DENND1A: variants seen among roughly 807,000 people sequenced by gnomAD.
DENND1A encodes DENN domain-containing protein 1A.
In DENND1A, 51 loss-of-function variants were observed where a neutral mutation model predicts 113.7. That is an observed-to-expected ratio of 0.45 (90% confidence interval 0.36 to 0.57). The LOEUF (loss-of-function observed/expected upper bound fraction) is 0.57, where lower values mean the gene tolerates loss of function less well. Among genes scored for constraint, DENND1A ranks in the 20% least tolerant of loss-of-function variants. The pLI, the probability that DENND1A is intolerant of heterozygous loss-of-function variation, is 0.00. For missense variants in DENND1A, 1,258 were observed against 1,395.9 expected, an observed-to-expected ratio of 0.90 and a Z score of 1.57; for synonymous variants, 565 against 570.8, an observed-to-expected ratio of 0.99 and a Z score of 0.14.
chr9:123,917,132 C>A (rs900372782), intron 1 of DENND1A, among the ~76,000 whole-genome samples: 2 of 151,946 alleles, frequency 1.3e-5, no homozygotes. Flanking sequence ...TGCAGTGAGC[C>A]GAAATCGTGC....
intron 1 of DENND1A, among the ~76,000 whole-genome samples, chr9:123,904,875 T>A (rs185147046): frequency 1.3e-5 from 2 of 151,876 alleles, no homozygotes; most frequent in Non-Finnish European, 2.9e-5. Context: ...AGATACTCCT[T>A]GAGAAGAGCA....
At chr9:123,913,297 A>G (rs1050350673) in intron 1 of DENND1A, among the ~76,000 whole-genome samples, 4 of 152,194 alleles carry the variant, frequency 2.6e-5, no homozygotes, top group East Asian at 3.9e-4. Context: ...GCTATCTCCT[A>G]TAAGAACCTG....
intron 18 of DENND1A, among the ~76,000 whole-genome samples, chr9:123,449,262 C>T (rs371443507): frequency 3.3e-5 from 5 of 152,306 alleles, no homozygotes; most frequent in South Asian, 4.1e-4. Flanking sequence ...ACAGGCCAGA[C>T]GCGGTGGCTC....
chr9:123,508,159 T>C (rs890860763), intron 13 of DENND1A, among the ~76,000 whole-genome samples: 1 of 152,226 alleles, frequency 6.6e-6, no homozygotes, highest in Non-Finnish European at 1.5e-5. Flanking sequence ...GCCAGTGTTA[T>C]ACAAGACAAG....
chr9:123,380,507 G>GCCTT lies in DENND1A; in HGVS notation c.*921_*924dup, dbSNP rs1214502522. On this transcript the variant is annotated 3_prime_UTR_variant, in exon 24 of 24. Transcript: ENST00000394215. ...TCGTTCCAACCCAGGAAGGCCAGCT[G>GCCTT]CCTTCCACATCAGTCTGAGGCATTC... 1 of 152,470 alleles carries GCCTT rather than the reference G, an allele frequency of 6.6e-6. No individual in the cohort carries two copies. Among genetic ancestry groups the GCCTT allele is most frequent in the Non-Finnish European group, 1.5e-5 (1 of 68,052 alleles). 9.4% of individuals were successfully genotyped at this position (152,470 alleles called of 1,614,324 possible).
chr9:123,477,740 A>T (rs1319947451), intron 13 of DENND1A, among the ~76,000 whole-genome samples: 1 of 149,596 alleles, frequency 6.7e-6, no homozygotes, highest in Non-Finnish European at 1.5e-5. Flanking sequence ...CGTGGAACTT[A>T]AAAAAAAATA....
At chr9:123,809,893 A>G (rs1440066273) in intron 2 of DENND1A, among the ~76,000 whole-genome samples, 1 of 151,990 alleles carries the variant, frequency 6.6e-6, no homozygotes, top group African/African-American at 2.4e-5. Flanking sequence ...CTGGTCTCGA[A>G]CTCCTGAACT....
intron 21 of DENND1A, among the ~76,000 whole-genome samples, chr9:123,390,726 C>T (rs779739251): frequency 8.0e-4 from 122 of 152,306 alleles, no homozygotes; most frequent in Non-Finnish European, 3.1e-4. Flanking sequence ...GACTGCAGCC[C>T]GGATGGTCCA....
intron 10 of DENND1A, among the ~76,000 whole-genome samples, chr9:123,623,556 CA>C (rs545934340): frequency 2.0e-5 from 3 of 150,684 alleles, no homozygotes; most frequent in African/African-American, 4.9e-5. Context: ...GGAAGGGACA[CA>C]AAAAAAAATA....
intron 1 of DENND1A, among the ~76,000 whole-genome samples, chr9:123,901,868 C>T (rs1210709310): frequency 7.9e-5 from 12 of 151,752 alleles, no homozygotes; most frequent in African/African-American, 2.4e-4. Flanking sequence ...TAGCTGGGCA[C>T]GGTGGTGGGC....
intron 10 of DENND1A, among the ~76,000 whole-genome samples, chr9:123,617,974 T>C (rs921545104): frequency 4.6e-5 from 7 of 152,168 alleles, no homozygotes; most frequent in African/African-American, 7.2e-5. Context: ...AAGGAGATTT[T>C]CTCTTGCTGT....
intron 5 of DENND1A, among the ~76,000 whole-genome samples, chr9:123,701,668 GC>G: frequency 6.6e-6 from 1 of 152,178 alleles, no homozygotes; most frequent in East Asian, 1.9e-4. Context: ...ACAGCAACAG[GC>G]AGGCTCTCAG....
At chr9:123,695,104 A>T (rs574715226) in intron 5 of DENND1A, among the ~76,000 whole-genome samples, 1 of 152,124 alleles carries the variant, frequency 6.6e-6, no homozygotes, top group African/African-American at 2.4e-5. Flanking sequence ...GTCAGACTCC[A>T]AGTTCTTCAG....
At chr9:123,467,519 T>G (rs925154343) in intron 13 of DENND1A, among the ~76,000 whole-genome samples, 1 of 151,848 alleles carries the variant, frequency 6.6e-6, no homozygotes, top group African/African-American at 2.4e-5. Flanking sequence ...GCCAGGCATA[T>G]TGGCGGGCGC....
At chr9:123,564,840 C>T (rs1290565462) in intron 12 of DENND1A, among the ~76,000 whole-genome samples, 2 of 152,184 alleles carry the variant, frequency 1.3e-5, no homozygotes, top group African/African-American at 4.8e-5. Flanking sequence ...GGTCTCAGTT[C>T]AAATATCACT....
intron 2 of DENND1A, among the ~76,000 whole-genome samples, chr9:123,808,610 G>C (rs916507993): frequency 2.6e-5 from 4 of 152,092 alleles, no homozygotes; most frequent in African/African-American, 9.7e-5. Flanking sequence ...TCAAACACCT[G>C]AGATCAAGCA....
intron 11 of DENND1A, among the ~76,000 whole-genome samples, chr9:123,602,925 T>A (rs1237642337): frequency 6.6e-6 from 1 of 152,238 alleles, no homozygotes; most frequent in Non-Finnish European, 1.5e-5. Context: ...AAGAATAGGA[T>A]CACTTGGCAC....
rs376233242 is a variant in DENND1A, at chr9:123,381,709, G to A, written c.2936C>T (p.Pro979Leu). 5.2e-6 allele frequency: 8 copies of A among 1,545,180 alleles called. No homozygotes were observed. In the East Asian group the frequency reaches 9.5e-5, roughly 18 times the overall value. The change falls in exon 24 of 24, where the codon CCG (proline) becomes CTG (leucine). Residue 979 changes from proline to leucine, a missense_variant. Physicochemically the swap from Pro to Leu is moderately conservative, Grantham distance 98 (BLOSUM62 -3). Around this residue, in one of 2 missense-constraint regions of DENND1A, gnomAD observed 1,159 missense variants for 1,231.7 expected, o/e 0.94. Coordinates refer to ENST00000394215, the MANE Select transcript of DENND1A (RefSeq NM_001352964.2). This position sits in a 1 kb window ranked among gnomAD's most constrained non-coding sequence, Gnocchi z 4.7. ...CAGGGGCAACGTTCGGATCCTCGAC[G>A]GGGCAACTGCTGGGGGACCCAGCGG... is the stretch of plus-strand genomic sequence containing the variant. ...LQPLGPPAVA[P>L]SRIRTLPLAR...
intron 21 of DENND1A, 45 bp from the exon 22 acceptor site, chr9:123,387,903 G>A (rs1471633492): frequency 7.8e-7 from 1 of 1,280,684 alleles, no homozygotes; most frequent in Non-Finnish European, 1.0e-6. Context: ...GCAGTTAGGG[G>A]CGCCCTCAGA....
Sources: gnomAD v4.1 joint callset for allele counts (sites outside exome capture counted in the v4.1 genomes callset) on GRCh38, gnomAD v4.1.1 for gene constraint, gnomAD v4.1.1 regional missense constraint, Gnocchi (gnomAD v3.1) non-coding constraint, MANE v1.5 for transcripts, NCBI Gene and HGNC (gene_info 2026-07-23, HGNC 2026-07-21) for gene names.